The following SHMT2 variants were observed in gnomAD, a reference collection of about 807,000 sequenced individuals.
SHMT2 encodes the protein serine hydroxymethyltransferase 2.
Under a neutral mutation model 59.6 loss-of-function variants are expected in SHMT2, and 38 were observed. The ratio of observed to expected loss-of-function variants is 0.64; its 90% CI spans 0.49 to 0.84. SHMT2 has a LOEUF of 0.84. SHMT2 is among the 40% of genes least tolerant of loss of function. The pLI is 0.00. For synonymous variants in SHMT2, 254 were observed against 258.1 expected (o/e 0.98, Z 0.15); for missense variants, 533 against 659.5 (o/e 0.81, Z 2.10).
In SHMT2 at chr12:57,234,013, C is replaced by T. The variant is rs1201702745; in HGVS notation, c.1290C>T (p.Ala430=). The T allele has an allele frequency of 6.2e-7, 1 of 1,614,114 alleles. No homozygotes were observed. Among genetic ancestry groups the T allele is most frequent in the Non-Finnish European group, 8.5e-7 (1 of 1,180,060 alleles). Residue 430 remains alanine (A), a synonymous_variant, in exon 11 of 12, where the codon GCC becomes GCT. Coordinates refer to ENST00000328923, the MANE Select transcript of SHMT2 (RefSeq NM_005412.6). ...TGTGCCTCGTTCCAGGGGCCCCAGC[C>T]TTAACTTCTCGACAGTTCCGTGAGG... ...TPGGLRLGAP[A]LTSRQFREDD...
At chr12:57,233,100 A>G in intron 7 of SHMT2, 80 bp from the exon 8 acceptor site, 2 of 1,476,456 alleles carry the variant, frequency 1.4e-6, no homozygotes, top group South Asian at 1.4e-5. Flanking sequence ...CTTGGGGCCC[A>G]GGTCCGCCAG....
chr12:57,234,198 G>C, intron 11 of SHMT2, 36 bp from the exon 12 acceptor site: 1 of 1,612,626 alleles, frequency 6.2e-7, no homozygotes, highest in Non-Finnish European at 8.5e-7. Flanking sequence ...CTTCCCTAGA[G>C]CTCTGACCAC....
rs202118297 is a variant in SHMT2 at position 57,234,077 on chromosome 12, G to C, written c.1354G>C (p.Val452Leu). 79 of 1,614,206 alleles carry C rather than the reference G, an allele frequency of 4.9e-5. 1 individual carries two copies. The Admixed American group carries it at 1.1e-3, about 22-fold the overall frequency. Residue 452 changes from valine to leucine, a missense_variant, in exon 11 of 12, where the codon GTC becomes CTC. Val to Leu is a conservative substitution (Grantham distance 32). Coordinates refer to ENST00000328923, the MANE Select transcript of SHMT2 (RefSeq NM_005412.6). ...AGTTGTGGACTTTATAGATGAAGGG[G>C]TCAACATTGGCTTAGAGGTGAAGAG... ...RRVVDFIDEG[V>L]NIGLEVKSKT...
At chr12:57,230,628 T>A (rs1055540972) in intron 1 of SHMT2, 175 bp from the exon 2 acceptor site, 3 of 1,445,524 alleles carry the variant, frequency 2.1e-6, no homozygotes, top group African/African-American at 2.9e-5. Context: ...TGGACGTTGA[T>A]CTCAAGCTTG....
intron 2 of SHMT2, 70 bp from the exon 3 acceptor site, chr12:57,231,411 G>C: frequency 6.6e-7 from 1 of 1,512,152 alleles, no homozygotes; most frequent in Non-Finnish European, 9.1e-7. Flanking sequence ...TCTGGCTCTG[G>C]CAGGGAGGGA....
chr12:57,232,562 C>T lies in SHMT2; in HGVS notation c.704C>T (p.Ala235Val), dbSNP rs760935958. ...GCCTATGCTCGCCTCATTGACTACG[C>T]CCGCATGAGAGAGGTTGGTGGGGGG... ...TSAYARLIDYARMREVCDEVK... is the reference protein window; with the variant it reads ...TSAYARLIDYVRMREVCDEVK... Residue 235 changes from alanine (A) to valine (V), a missense_variant, in exon 6 of 12, where the codon GCC (alanine) becomes GTC (valine). Transcript: ENST00000328923. The T allele has an allele frequency of 6.2e-7, 1 of 1,614,186 alleles. No individual in the cohort carries two copies. The highest frequency in any genetic ancestry group is 1.1e-5 in the South Asian group (1 of 91,092).
chr12:57,234,271 C>T lies in SHMT2; in HGVS notation c.1425C>T (p.Asp475=). ...LQDFKSFLLK[D]SETSQRLANL... ...ATTTCAAATCCTTCCTGCTTAAGGA[C>T]TCAGAAACAAGTCAGCGTCTGGCCA... Residue 475 remains aspartate, a synonymous_variant, in exon 12 of 12, where the codon GAC becomes GAT. Transcript: ENST00000328923. 2 of 1,613,874 alleles carry T rather than the reference C, an allele frequency of 1.2e-6. No individual in the cohort carries two copies. The highest frequency in any genetic ancestry group is 8.5e-7 in the Non-Finnish European group (1 of 1,179,840).
intron 1 of SHMT2, 74 bp downstream of exon 1, chr12:57,229,885 A>G: frequency 6.3e-7 from 1 of 1,592,398 alleles, no homozygotes; most frequent in Non-Finnish European, 8.6e-7. Flanking sequence ...CCTAGTCACA[A>G]ACTCTGGGGT....
In SHMT2 at chr12:57,234,707, C is replaced by G. The variant is rs1160991741; in HGVS notation, c.*346C>G. 1 of 185,594 alleles carries G rather than the reference C, an allele frequency of 5.4e-6. No individual in the cohort carries two copies. The highest frequency in any genetic ancestry group is 1.1e-5 in the Non-Finnish European group (1 of 89,988). The allele number at this position is 185,594 out of a possible 1,614,324, so 11.5% of individuals were successfully genotyped here. A position where few individuals can be genotyped will look rare whatever the true frequency, so the allele number is the denominator to read the frequency against. On this transcript the variant is annotated 3_prime_UTR_variant, in exon 12 of 12. Coordinates refer to ENST00000328923, the MANE Select transcript of SHMT2 (RefSeq NM_005412.6). ...TAGGCACCCTCCTTCCTGTTTTTAT[C>G]TAATAAAATGCTAACCTGCCCTGAG...
rs776322364 is a variant in SHMT2, at chr12:57,234,364, G to T, written c.*3G>T. 10 of 1,577,852 alleles carry T rather than the reference G, an allele frequency of 6.3e-6. No individual in the cohort carries two copies. The Admixed American group carries it at 1.9e-4, about 29-fold the overall frequency. ...TGCCTGGTTTTGATGAGCATTGAAG[G>T]CACCTGGGAAATGAGGCCCACAGAC... On this transcript the variant is annotated 3_prime_UTR_variant, in exon 12 of 12. Transcript: ENST00000328923.
chr12:57,231,353 G>A (rs1023056200), intron 2 of SHMT2, 128 bp from the exon 3 acceptor site: 5 of 998,236 alleles, frequency 5.0e-6, no homozygotes, highest in African/African-American at 1.6e-5. Context: ...CCCCAGGCCT[G>A]GTGCTGAGTG....
At chr12:57,232,055 G>C in intron 4 of SHMT2, 142 bp downstream of exon 4, 1 of 1,156,442 alleles carries the variant, frequency 8.6e-7, no homozygotes, top group East Asian at 2.5e-5. Context: ...AGGAAGATAA[G>C]ATCCCAGTTA....
chr12:57,233,434 G>A (rs571024288), intron 8 of SHMT2, 89 bp downstream of exon 8: 12 of 1,509,946 alleles, frequency 7.9e-6, no homozygotes, highest in South Asian at 1.3e-5. Context: ...GGGGCTGATG[G>A]AAGGGAAATG....
chr12:57,233,954 C>T, intron 10 of SHMT2, 49 bp from the exon 11 acceptor site: 2 of 1,613,934 alleles, frequency 1.2e-6, no homozygotes, highest in Non-Finnish European at 1.7e-6. Context: ...TGGATGACTG[C>T]CAGGTGACCT....
At position 57,233,704 on chromosome 12, in the gene SHMT2, G is replaced by A. The variant is rs753228503; in HGVS notation, c.1123+42G>A. 3 of 1,612,476 alleles carry A rather than the reference G, an allele frequency of 1.9e-6. No homozygotes were observed. The South Asian group carries it at 3.3e-5, about 18-fold the overall frequency. On this transcript the variant is annotated intron_variant, in intron 9 of 11. Coordinates refer to ENST00000328923, the MANE Select transcript of SHMT2 (RefSeq NM_005412.6). ...TGGGTGAGGGCCTCTGTAGCTTCAGGCAGAGGCCCAGGACTCACCACTCCC... is the reference window on the plus strand; with the variant it reads ...TGGGTGAGGGCCTCTGTAGCTTCAGACAGAGGCCCAGGACTCACCACTCCC...
rs752105459 is a variant in SHMT2 at position 57,233,576 on chromosome 12, T to C, written c.1037T>C (p.Met346Thr). Residue 346 changes from methionine (M) to threonine (T), a missense_variant, in exon 9 of 12, where the codon ATG becomes ACG. Physicochemically the swap from Met to Thr is moderately conservative, Grantham distance 81. Transcript: ENST00000328923. ...TCTCATCTCCAGGCCTGCACCCCCA[T>C]GTTCCGGGAGTACTCCCTGCAGGTT... ...AVALKQACTP[M>T]FREYSLQVLK... is the part of the protein sequence containing the mutation. 24 of 1,613,542 alleles carry C rather than the reference T, an allele frequency of 1.5e-5. No individual in the cohort carries two copies. The South Asian group carries it at 2.0e-4, about 13-fold the overall frequency.
chr12:57,233,371 GT>G, intron 8 of SHMT2, 26 bp downstream of exon 8: 1 of 1,570,362 alleles, frequency 6.4e-7, no homozygotes, highest in Non-Finnish European at 8.6e-7. Flanking sequence ...TTTGTAGGGT[GT>G]GGGGGGGCAA....
chr12:57,230,861 C>T lies in SHMT2; in HGVS notation c.92C>T (p.Ala31Val). Residue 31 changes from alanine to valine, a missense_variant, in exon 2 of 12, where the codon GCA becomes GTA. Physicochemically the swap from Ala to Val is moderately conservative, Grantham distance 64. Coordinates refer to ENST00000328923, the MANE Select transcript of SHMT2 (RefSeq NM_005412.6). Reference protein sequence around the residue: ...RMAIRAQHSNAAQTQTGEANR... With the variant: ...RMAIRAQHSNVAQTQTGEANR... ...GCCATTCGGGCTCAGCACAGCAACG[C>T]AGCCCAGACTCAGACTGGGGAAGCA... 5.6e-6 allele frequency: 9 copies of T among 1,614,126 alleles called. No homozygotes were observed. Among genetic ancestry groups the T allele is most frequent in the Non-Finnish European group, 7.6e-6 (9 of 1,180,024 alleles).
Position 57,234,130 on chromosome 12 carries a change from C to T in SHMT2, c.1387+20C>T, listed in dbSNP as rs1188596944. On this transcript the variant is annotated intron_variant, in intron 11 of 11. Transcript: ENST00000328923. ...AGACTGGTGAGTGAGCAAGAAGGAG[C>T]CCCGGGCCAGCCAGTTCCCACTCAC... 6.2e-6 allele frequency: 10 copies of T among 1,613,724 alleles called. No individual in the cohort carries two copies. The South Asian group carries it at 6.6e-5, about 11-fold the overall frequency.
Sources: allele counts gnomAD v4.1 joint callset, GRCh38; gene constraint gnomAD v4.1.1; transcripts MANE v1.5; gene names NCBI Gene and HGNC (gene_info 2026-07-23, HGNC 2026-07-21).